The following NRXN1 variants were observed in gnomAD, a reference collection of about 807,000 sequenced individuals.
The protein encoded by NRXN1 is neurexin 1, also known as neurexin-1.
In NRXN1, 39 loss-of-function variants were observed where a neutral mutation model predicts 150.9. The ratio of observed to expected loss-of-function variants is 0.26; its 90% CI spans 0.20 to 0.34. The LOEUF (loss-of-function observed/expected upper bound fraction) is 0.34. NRXN1 is among the 10% of genes least tolerant of loss of function. The pLI, the probability that NRXN1 is intolerant of heterozygous loss-of-function variation, is 1.00. For missense variants in NRXN1, 1,815 were observed against 1,949.9 expected, an observed-to-expected ratio of 0.93 and a Z score of 1.30; for synonymous variants, 924 against 757.0, an observed-to-expected ratio of 1.22 and a Z score of -3.62.
At chr2:50,979,183 A>G (rs1696379879) in intron 2 of NRXN1, 1 of 498,090 alleles carries the variant, frequency 2.0e-6, no homozygotes, top group Non-Finnish European at 4.0e-6. Flanking sequence ...CATCGTATGT[A>G]ATTTAATTAC....
rs1004969332 is a variant in NRXN1 at position 50,213,537 on chromosome 2, G to A, written c.3546+23252C>T. Among the ~76,000 whole-genome samples, 7 of 151,876 alleles carry A rather than the reference G, an allele frequency of 4.6e-5. No individual in the cohort carries two copies. The South Asian group carries it at 6.2e-4, about 13-fold the overall frequency. On this transcript the variant is annotated intron_variant, in intron 18 of 22. Transcript: ENST00000401669. The stretch of plus-strand genomic sequence containing the variant: ...ACTGTATAATGGATCTGGAAGTTTC[G>A]TTAGTCCAGGCAGCCCTCTGATGCT...
intron 5 of NRXN1, among the ~76,000 whole-genome samples, chr2:50,827,134 G>C (rs1294189815): frequency 6.6e-6 from 1 of 152,216 alleles, no homozygotes; most frequent in Admixed American, 6.5e-5. Flanking sequence ...TTGGCGCATA[G>C]TGACCTTGGT....
chr2:50,565,308 A>G (rs1172703241), intron 8 of NRXN1, among the ~76,000 whole-genome samples: 1 of 152,166 alleles, frequency 6.6e-6, no homozygotes, highest in Non-Finnish European at 1.5e-5. Flanking sequence ...AAATAGTCTC[A>G]TGTAATTTCG....
At chr2:50,393,942 G>C (rs958597579) in intron 17 of NRXN1, among the ~76,000 whole-genome samples, 1 of 152,112 alleles carries the variant, frequency 6.6e-6, no homozygotes, top group Admixed American at 6.6e-5. Context: ...TCTAGGTTTT[G>C]TAATTGAAGA....
intron 17 of NRXN1, among the ~76,000 whole-genome samples, chr2:50,371,645 T>C (rs2080035445): frequency 6.6e-6 from 1 of 152,062 alleles, no homozygotes; most frequent in Admixed American, 6.6e-5. Flanking sequence ...CAAAATTTTA[T>C]GCAAATTGTG....
In NRXN1 at chr2:50,447,742, T is replaced by TATATATATATATAG. The variant is rs2086573534; in HGVS notation, c.3364+17699_3364+17700insCTATATATATATAT. Among the ~76,000 whole-genome samples the TATATATATATATAG allele has an allele frequency of 1.9e-4, 8 of 41,604 alleles. 1 individual carries two copies. Among genetic ancestry groups the TATATATATATATAG allele is most frequent in the African/African-American group, 7.5e-4 (8 of 10,608 alleles). 27.3% of individuals were successfully genotyped at this position (41,604 alleles called of 152,430 possible). On this transcript the variant is annotated intron_variant, in intron 17 of 22. Coordinates refer to ENST00000401669, the MANE Select transcript of NRXN1 (RefSeq NM_001330078.2). ...ACATAGTAAGCAGGGGAACGTTATA[T>TATATATATATATAG]ATATATATATATATATATATATATA...
intron 9 of NRXN1, among the ~76,000 whole-genome samples, chr2:50,540,563 AAG>A (rs2105273670): frequency 6.6e-6 from 1 of 152,314 alleles, no homozygotes; most frequent in Non-Finnish European, 1.5e-5. Context: ...TATGATGAGA[AAG>A]AGTGTCTTTT....
At chr2:50,877,154 C>G (rs567488324) in intron 5 of NRXN1, among the ~76,000 whole-genome samples, 19 of 151,592 alleles carry the variant, frequency 1.3e-4, no homozygotes, top group Non-Finnish European at 2.7e-4. Context: ...ATCTCCCACT[C>G]AATACACACA....
At chr2:50,244,724 T>C (rs527730020) in intron 17 of NRXN1, among the ~76,000 whole-genome samples, 10 of 152,044 alleles carry the variant, frequency 6.6e-5, no homozygotes, top group Admixed American at 1.3e-4. Context: ...AATATTATTG[T>C]ATTGTAAATT....
At chr2:50,652,808 T>G (rs1685839775) in intron 5 of NRXN1, among the ~76,000 whole-genome samples, 1 of 152,072 alleles carries the variant, frequency 6.6e-6, no homozygotes, top group African/African-American at 2.4e-5. Flanking sequence ...CTAGCAGCAA[T>G]GTATGAAGGT....
chr2:50,784,233 TC>T (rs929707579), intron 5 of NRXN1, among the ~76,000 whole-genome samples: 2 of 151,934 alleles, frequency 1.3e-5, no homozygotes, highest in African/African-American at 4.8e-5. Context: ...ATGAATCGAG[TC>T]CTTAAGGAAC....
intron 5 of NRXN1, among the ~76,000 whole-genome samples, chr2:50,821,410 A>T (rs1006149674): frequency 6.6e-6 from 1 of 152,148 alleles, no homozygotes; most frequent in Non-Finnish European, 1.5e-5. Flanking sequence ...TAATCCTACC[A>T]CTTAGCAGCT....
intron 2 of NRXN1, chr2:50,979,272 T>G (rs748866007): frequency 1.9e-6 from 1 of 518,080 alleles, no homozygotes; most frequent in Non-Finnish European, 3.9e-6. Flanking sequence ...AATATTTACA[T>G]CAGCTGGAAG....
At chr2:50,526,090 A>G (rs2092943875) in intron 12 of NRXN1, among the ~76,000 whole-genome samples, 1 of 152,208 alleles carries the variant, frequency 6.6e-6, no homozygotes, top group Non-Finnish European at 1.5e-5. Flanking sequence ...CATATAAAGT[A>G]CAAATGCTGT....
intron 2 of NRXN1, among the ~76,000 whole-genome samples, chr2:51,003,489 A>G (rs771534638): frequency 7.2e-5 from 11 of 151,982 alleles, no homozygotes; most frequent in Non-Finnish European, 1.5e-4. Flanking sequence ...ATCACATTTA[A>G]TCATCAAAAT....
chr2:49,988,502 T>G (rs1400032356), intron 21 of NRXN1, among the ~76,000 whole-genome samples: 1 of 151,804 alleles, frequency 6.6e-6, no homozygotes, highest in Non-Finnish European at 1.5e-5. Flanking sequence ...TTACATTACC[T>G]AAACTCATGG....
chr2:50,426,595 G>A (rs1174488669), intron 17 of NRXN1, among the ~76,000 whole-genome samples: 1 of 152,126 alleles, frequency 6.6e-6, no homozygotes, highest in East Asian at 1.9e-4. Flanking sequence ...AGTTCTTCCA[G>A]GACAATTTCC....
At chr2:50,398,200 G>T (rs1014939621) in intron 17 of NRXN1, among the ~76,000 whole-genome samples, 5 of 152,194 alleles carry the variant, frequency 3.3e-5, no homozygotes, top group Middle Eastern at 3.4e-3. Context: ...GAACTGTTTA[G>T]CAAATCTGCA....
intron 17 of NRXN1, among the ~76,000 whole-genome samples, chr2:50,257,894 T>C (rs1367645409): frequency 1.9e-5 from 1 of 52,220 alleles, no homozygotes; most frequent in Non-Finnish European, 4.5e-5. Flanking sequence ...ATCTGCACAA[T>C]TTTTTTTTTG....
Sources: gnomAD v4.1 joint callset for allele counts (sites outside exome capture counted in the v4.1 genomes callset) on GRCh38, gnomAD v4.1.1 for gene constraint, MANE v1.5 for transcripts, NCBI Gene and HGNC (gene_info 2026-07-23, HGNC 2026-07-21) for gene names.